CARMIL3: variants seen among roughly 807,000 people sequenced by gnomAD.
CARMIL3 encodes the protein capping protein, Arp2/3 and myosin-I linker protein 3.
Under a neutral mutation model 180.8 loss-of-function variants are expected in CARMIL3, and 88 were observed. The ratio of observed to expected loss-of-function variants is 0.49; its 90% confidence interval spans 0.41 to 0.58. The LOEUF is 0.58. Ranked by LOEUF, CARMIL3 falls within the 20% of genes least tolerant of loss-of-function variation. CARMIL3 has a pLI of 0.00. For missense variants in CARMIL3, 1,548 were observed against 1,787.0 expected, an observed-to-expected ratio of 0.87 and a Z score of 2.41; for synonymous variants, 696 against 714.5, an observed-to-expected ratio of 0.97 and a Z score of 0.41.
In CARMIL3 at chr14:24,060,256, G is replaced by C; in HGVS notation, c.2061+1G>C. ...CCTGGTGACCAGCAGCGCCGAGCAA[G>C]TAAACGTTTCCCTCTGGGACACGGG... On this transcript the variant is annotated splice_donor_variant, in intron 24 of 39. Transcript: ENST00000342740. LOFTEE classifies it high-confidence loss of function. 6.2e-7 allele frequency: 1 copy of C among 1,614,126 alleles called. No individual in the cohort carries two copies. The highest frequency in any genetic ancestry group is 8.5e-7 in the Non-Finnish European group (1 of 1,180,026).
rs2035718813 is a variant in CARMIL3 at position 24,060,217 on chromosome 14, A to G, written c.2023A>G (p.Arg675Gly). The change falls in exon 24 of 40, where the codon AGG becomes GGG. Residue 675 changes from arginine to glycine, a missense_variant. By Grantham distance (125) the Arg-to-Gly change is moderately radical. This residue lies in a region of CARMIL3 where 297 missense variants were observed against 415.9 expected (regional missense o/e 0.71). Transcript: ENST00000342740. ...GACGTGCCCCCAGGAGCAGGCCTTCAGGTTGCAGCAGGGCCTGGTGACCAG... is the reference window on the plus strand; with the variant it reads ...GACGTGCCCCCAGGAGCAGGCCTTCGGGTTGCAGCAGGGCCTGGTGACCAG... ...SQTCPQEQAFRLQQGLVTSSA... is the reference protein window; with the variant it reads ...SQTCPQEQAFGLQQGLVTSSA... The G allele has an allele frequency of 1.9e-6, 3 of 1,614,172 alleles. No homozygotes were observed. The highest frequency in any genetic ancestry group is 2.5e-6 in the Non-Finnish European group (3 of 1,180,040).
At chr14:24,064,660 T>C (rs959090793) in intron 32 of CARMIL3, among the ~76,000 whole-genome samples, 1 of 144,916 alleles carries the variant, frequency 6.9e-6, no homozygotes, top group Non-Finnish European at 1.6e-5. Flanking sequence ...GCCCGGGGGG[T>C]AGTGTTCCCT....
In CARMIL3 at chr14:24,059,715, C is replaced by CGATG; in HGVS notation, c.1852_1853insATGG (p.Ala618AspfsTer30). On this transcript the variant is annotated frameshift_variant, in exon 22 of 40. Transcript: ENST00000342740. LOFTEE classifies it high-confidence loss of function. This position sits in a 1 kb window ranked among gnomAD's most constrained non-coding sequence, Gnocchi z 6.3. ...CATCTGCCCTGGGCTTCCTGGACAT[C>CGATG]GCAAGGGCCCTGGAGAGGTGAGTAG... 6.2e-7 allele frequency: 1 copy of CGATG among 1,614,076 alleles called. No homozygotes were observed. The highest frequency in any genetic ancestry group is 8.5e-7 in the Non-Finnish European group (1 of 1,180,000).
intron 32 of CARMIL3, 111 bp downstream of exon 32, chr14:24,064,457 GTC>G: frequency 2.6e-6 from 2 of 780,208 alleles, no homozygotes; most frequent in Non-Finnish European, 4.3e-6. Context: ...CCCAAAGCCA[GTC>G]TCTGTGAGAA....
chr14:24,057,276 G>C (rs1258764003), intron 14 of CARMIL3, 32 bp downstream of exon 14: 25 of 1,603,540 alleles, frequency 1.6e-5, no homozygotes, highest in Non-Finnish European at 2.0e-5. Context: ...GCCAGTCTGA[G>C]GTGATTTGGG....
Position 24,062,517 on chromosome 14 carries a change from T to G in CARMIL3, c.2518T>G (p.Ser840Ala), listed in dbSNP as rs2138762383. The G allele has an allele frequency of 1.2e-6, 2 of 1,614,150 alleles. No homozygotes were observed. The highest frequency in any genetic ancestry group is 1.7e-6 in the Non-Finnish European group (2 of 1,180,020). Residue 840 changes from serine (S) to alanine (A), a missense_variant, in exon 28 of 40, where the codon TCC (serine) becomes GCC (alanine). This residue lies in a region of CARMIL3 where 297 missense variants were observed against 415.9 expected (regional missense o/e 0.71). Coordinates refer to ENST00000342740, the MANE Select transcript of CARMIL3 (RefSeq NM_138360.4). ...KLSVVTYLTS[S>A]IVDEILQELY... ...CTCAGTCGTCACCTACCTAACCAGC[T>G]CCATAGTGGATGAGATCCTGCAAGA... is the stretch of plus-strand genomic sequence containing the variant.
Position 24,060,379 on chromosome 14 carries a change from T to C in CARMIL3, c.2061+124T>C, listed in dbSNP as rs2035720695. Reference sequence around the variant, plus strand: ...ATGGTGCCTATCACTGGACTGAGCATGTGGGGAAGCAAAAAGAGAGGACAT... The same window carrying C: ...ATGGTGCCTATCACTGGACTGAGCACGTGGGGAAGCAAAAAGAGAGGACAT... On this transcript the variant is annotated intron_variant, in intron 24 of 39. Coordinates refer to ENST00000342740, the MANE Select transcript of CARMIL3 (RefSeq NM_138360.4). 10 of 1,196,314 alleles carry C rather than the reference T, an allele frequency of 8.4e-6. 1 individual carries two copies. Among genetic ancestry groups the C allele is most frequent in the South Asian group, 8.1e-5 (6 of 73,820 alleles). The allele number at this position is 1,196,314 out of a possible 1,614,324, so 74.1% of individuals were successfully genotyped here.
In CARMIL3 at chr14:24,058,983, C is replaced by A; in HGVS notation, c.1568C>A (p.Ala523Asp). The A allele has an allele frequency of 6.2e-7, 1 of 1,614,084 alleles. No individual in the cohort carries two copies. Among genetic ancestry groups the A allele is most frequent in the Admixed American group, 1.7e-5 (1 of 60,016 alleles). The stretch of plus-strand genomic sequence containing the variant: ...TTGGGCAAGAACTTCAATGTCAAGG[C>A]CAAGTGAGGCCCCCTTTCCATGCCC... Reference protein sequence around the residue: ...LFLGKNFNVKAKTLEEILHKL... With the variant: ...LFLGKNFNVKDKTLEEILHKL... Residue 523 changes from alanine to aspartate, a missense_variant, in exon 19 of 40, where the codon GCC (alanine) becomes GAC (aspartate). By Grantham distance (126) the Ala-to-Asp change is moderately radical. This residue lies in a region of CARMIL3 where 578 missense variants were observed against 666.5 expected (regional missense o/e 0.87). Coordinates refer to ENST00000342740, the MANE Select transcript of CARMIL3 (RefSeq NM_138360.4). The surrounding 1 kb of genome is among the most constrained non-coding windows in gnomAD (Gnocchi z 6.4).
intron 1 of CARMIL3, among the ~76,000 whole-genome samples, chr14:24,052,668 G>C (rs2035629395): frequency 6.6e-6 from 1 of 152,208 alleles, no homozygotes; most frequent in Admixed American, 6.5e-5. Flanking sequence ...TAGGAGCTGG[G>C]CAGCGCCCAG....
At chr14:24,066,797 T>C in intron 36 of CARMIL3, 141 bp downstream of exon 36, 1 of 868,594 alleles carries the variant, frequency 1.2e-6, no homozygotes, top group South Asian at 1.8e-5. Flanking sequence ...TGTTTAAGGA[T>C]ATTTACAAAG....
Position 24,059,861 on chromosome 14 carries a change from G to T in CARMIL3, c.1869-109G>T. 2 of 1,534,366 alleles carry T rather than the reference G, an allele frequency of 1.3e-6. No homozygotes were observed. Among genetic ancestry groups the T allele is most frequent in the South Asian group, 1.1e-5 (1 of 89,030 alleles). ...CACAGAAATTTTAGGAAGGGCCATG[G>T]AAGACAGAAATGATGAGCAAGGGGG... is the stretch of plus-strand genomic sequence containing the variant. On this transcript the variant is annotated intron_variant, in intron 22 of 39. Transcript: ENST00000342740. The surrounding 1 kb of genome is among the most constrained non-coding windows in gnomAD (Gnocchi z 6.3).
rs376521640 is a variant in CARMIL3, at chr14:24,058,227, G to A, written c.1392+3G>A. 1.9e-6 allele frequency: 3 copies of A among 1,612,840 alleles called. No individual in the cohort carries two copies. Among genetic ancestry groups the A allele is most frequent in the African/African-American group, 1.3e-5 (1 of 74,900 alleles). On this transcript the variant is annotated splice_donor_region_variant and intron_variant, in intron 17 of 39. Transcript: ENST00000342740. The surrounding 1 kb of genome is among the most constrained non-coding windows in gnomAD (Gnocchi z 6.4). ...ACCTGGATCTCAGCAGCTGCGAGGT[G>A]AGCCCTCAGTCCCCAACCCCTCTGC...
rs758408040 is a variant in CARMIL3, at chr14:24,056,928, C to T, written c.966C>T (p.Leu322=). ...CGCTGTGCTCAGGGCTCCAGGCACTCGGCCAGACCTTCGGGGCAAACCCAG... is the reference window on the plus strand; with the variant it reads ...CGCTGTGCTCAGGGCTCCAGGCACTTGGCCAGACCTTCGGGGCAAACCCAG... ...TAISPRGLQA[L]GQTFGANPAF... Residue 322 remains leucine (L), a synonymous_variant, in exon 13 of 40, where the codon CTC becomes CTT. Coordinates refer to ENST00000342740, the MANE Select transcript of CARMIL3 (RefSeq NM_138360.4). 18 of 1,613,870 alleles carry T rather than the reference C, an allele frequency of 1.1e-5. No homozygotes were observed. Among genetic ancestry groups the T allele is most frequent in the South Asian group, 8.8e-5 (8 of 91,084 alleles).
chr14:24,057,112 G>C, intron 13 of CARMIL3, 55 bp from the exon 14 acceptor site: 6 of 1,599,114 alleles, frequency 3.8e-6, no homozygotes, highest in Non-Finnish European at 4.3e-6. Flanking sequence ...GGCCTCTGGG[G>C]GTGGCGAGAC....
At position 24,066,293 on chromosome 14, in the gene CARMIL3, TAATGACATGAG is replaced by T. The variant is rs1476430928; in HGVS notation, c.3526-95_3526-85del. The T allele has an allele frequency of 3.0e-6, 4 of 1,337,918 alleles. No individual in the cohort carries two copies. The East Asian group carries it at 6.9e-5, about 23-fold the overall frequency. The allele number at this position is 1,337,918 out of a possible 1,614,324, so 82.9% of individuals were successfully genotyped here. ...GAAACAGTTTTAAGTGTCTAGGGACTAATGACATGAGAATGACATGGAGATGCTAGAGCAGA... is the reference window on the plus strand; with the variant it reads ...GAAACAGTTTTAAGTGTCTAGGGACTAATGACATGGAGATGCTAGAGCAGA... On this transcript the variant is annotated intron_variant, in intron 34 of 39. Coordinates refer to ENST00000342740, the MANE Select transcript of CARMIL3 (RefSeq NM_138360.4).
rs373814202 is a variant in CARMIL3 at position 24,065,032 on chromosome 14, G to T, written c.3155G>T (p.Arg1052Leu). Reference sequence around the variant, plus strand: ...CTGCCTCCACTCCAGAAGAAGAGGCGCCGGGGCCTGTTTCACTTTCGCCGG... The same window carrying T: ...CTGCCTCCACTCCAGAAGAAGAGGCTCCGGGGCCTGTTTCACTTTCGCCGG... ...APLPPLQKKR[R>L]RGLFHFRRPR... is the part of the protein sequence containing the mutation. The change falls in exon 33 of 40, where the codon CGC (arginine) becomes CTC (leucine). Residue 1052 changes from arginine to leucine, a missense_variant. Physicochemically the swap from Arg to Leu is moderately radical, Grantham distance 102. This residue lies in a region of CARMIL3 where 668 missense variants were observed against 687.8 expected (regional missense o/e 0.97). Coordinates refer to ENST00000342740, the MANE Select transcript of CARMIL3 (RefSeq NM_138360.4). 1.9e-6 allele frequency: 3 copies of T among 1,610,608 alleles called. No individual in the cohort carries two copies. The highest frequency in any genetic ancestry group is 2.5e-6 in the Non-Finnish European group (3 of 1,179,036).
In CARMIL3 at chr14:24,066,482, C is replaced by G; in HGVS notation, c.3592+18C>G. The G allele has an allele frequency of 6.2e-7, 1 of 1,614,168 alleles. No homozygotes were observed. Among genetic ancestry groups the G allele is most frequent in the Non-Finnish European group, 8.5e-7 (1 of 1,179,990 alleles). On this transcript the variant is annotated intron_variant, in intron 35 of 39. Coordinates refer to ENST00000342740, the MANE Select transcript of CARMIL3 (RefSeq NM_138360.4). ...CGACGCAGGTAAGAACAGTCACATT[C>G]AAAGCCCTTTTGGACCCCTCTCTCA... is the stretch of plus-strand genomic sequence containing the variant.
At chr14:24,068,092 C>T (rs183138666) in intron 36 of CARMIL3, among the ~76,000 whole-genome samples, 29 of 152,296 alleles carry the variant, frequency 1.9e-4, no homozygotes, top group African/African-American at 6.7e-4. Context: ...GGCTAAGGAG[C>T]GTGGATGTAG....
chr14:24,063,236 C>G, intron 30 of CARMIL3, 53 bp downstream of exon 30: 1 of 1,595,898 alleles, frequency 6.3e-7, no homozygotes, highest in Non-Finnish European at 8.6e-7. Context: ...CCCTCTGTAG[C>G]CCCTCTTTCC....
Sources: gnomAD v4.1 joint callset for allele counts (sites outside exome capture counted in the v4.1 genomes callset) on GRCh38, gnomAD v4.1.1 for gene constraint, gnomAD v4.1.1 regional missense constraint, Gnocchi (gnomAD v3.1) non-coding constraint, MANE v1.5 for transcripts, NCBI Gene and HGNC (gene_info 2026-07-23, HGNC 2026-07-21) for gene names.